The following FBXW8 variants were observed in gnomAD, a reference collection of about 807,000 sequenced individuals.
FBXW8 encodes the protein F-box/WD repeat-containing protein 8.
In FBXW8, 57 loss-of-function variants were observed where a neutral mutation model predicts 65.3. The ratio of observed to expected loss-of-function variants is 0.87; its 90% CI spans 0.71 to 1.09. The LOEUF (loss-of-function observed/expected upper bound fraction) is 1.09, where lower values mean the gene tolerates loss of function less well. Among genes scored for constraint, FBXW8 ranks in the 50% least tolerant of loss-of-function variants. The pLI is 0.00. For synonymous variants in FBXW8, 308 were observed against 330.2 expected, an observed-to-expected ratio of 0.93 and a Z score of 0.73; for missense variants, 777 against 814.8, an observed-to-expected ratio of 0.95 and a Z score of 0.57.
intron 7 of FBXW8, among the ~76,000 whole-genome samples, chr12:117,004,573 C>T (rs1321050365): frequency 6.6e-6 from 1 of 152,194 alleles, no homozygotes; most frequent in African/African-American, 2.4e-5. Flanking sequence ...TAAACTCAAA[C>T]CCAGAACTTG....
At chr12:116,965,963 G>A (rs913717915) in intron 5 of FBXW8, among the ~76,000 whole-genome samples, 6 of 144,968 alleles carry the variant, frequency 4.1e-5, no homozygotes, top group Admixed American at 7.1e-5. Flanking sequence ...GAGTTTTGCC[G>A]TGTTGTCCAG....
intron 9 of FBXW8, among the ~76,000 whole-genome samples, chr12:117,024,778 G>A (rs937161112): frequency 6.6e-6 from 1 of 152,110 alleles, no homozygotes; most frequent in African/African-American, 2.4e-5. Context: ...ACTCGAGTCC[G>A]TCATGTGTAA....
intron 8 of FBXW8, among the ~76,000 whole-genome samples, chr12:117,010,992 C>G (rs546460950): frequency 2.0e-5 from 3 of 152,300 alleles, no homozygotes; most frequent in Non-Finnish European, 4.4e-5. Context: ...TCGGATTTTC[C>G]CGGTATAGGG....
At chr12:116,934,899 T>C (rs376301881) in intron 2 of FBXW8, among the ~76,000 whole-genome samples, 1 of 152,214 alleles carries the variant, frequency 6.6e-6, no homozygotes, top group African/African-American at 2.4e-5. Flanking sequence ...GAGAATCTCT[T>C]GTGCTACTCT....
At chr12:116,972,535 G>A (rs1335566644) in intron 5 of FBXW8, among the ~76,000 whole-genome samples, 2 of 152,166 alleles carry the variant, frequency 1.3e-5, no homozygotes, top group East Asian at 3.9e-4. Flanking sequence ...GGGCCCAAGT[G>A]GAGTAGAAAG....
intron 7 of FBXW8, among the ~76,000 whole-genome samples, chr12:117,007,386 G>A (rs1307382795): frequency 6.6e-6 from 1 of 152,184 alleles, no homozygotes; most frequent in African/African-American, 2.4e-5. Flanking sequence ...TCTTCTCTGT[G>A]TCATGCATTT....
At chr12:117,006,876 G>A (rs1953689738) in intron 7 of FBXW8, among the ~76,000 whole-genome samples, 1 of 152,168 alleles carries the variant, frequency 6.6e-6, no homozygotes, top group South Asian at 2.1e-4. Context: ...CAATCCATAT[G>A]GAGTTGTGTA....
intron 7 of FBXW8, among the ~76,000 whole-genome samples, chr12:116,996,126 T>G (rs1166691478): frequency 6.6e-6 from 1 of 152,186 alleles, no homozygotes; most frequent in East Asian, 1.9e-4. Flanking sequence ...TTTGGACATA[T>G]TTCCTAATTT....
At chr12:116,987,658 A>T (rs543705891) in intron 6 of FBXW8, among the ~76,000 whole-genome samples, 3 of 152,272 alleles carry the variant, frequency 2.0e-5, no homozygotes, top group Admixed American at 1.3e-4. Context: ...TTTTTTGCGA[A>T]TTTGGAGCTG....
chr12:116,942,712 G>T (rs1882679874), intron 2 of FBXW8, among the ~76,000 whole-genome samples: 1 of 149,064 alleles, frequency 6.7e-6, no homozygotes, highest in Non-Finnish European at 1.5e-5. Context: ...ACTTGTTGTT[G>T]AGCGCCTTTA....
At chr12:116,973,113 TAAC>T (rs1236246888) in intron 5 of FBXW8, among the ~76,000 whole-genome samples, 1 of 152,130 alleles carries the variant, frequency 6.6e-6, no homozygotes, top group Non-Finnish European at 1.5e-5. Flanking sequence ...ATATTGATAA[TAAC>T]AGGTTACAAC....
rs11375815 is a variant in FBXW8 at position 116,955,036 on chromosome 12, TGG to T, written c.677+5341_677+5342del. The stretch of plus-strand genomic sequence containing the variant: ...TGCTGTTGACTTTCCCCTCTTGAAA[TGG>T]GGGGGGGGGGCCCTGTATTAAGCAT... On this transcript the variant is annotated intron_variant, in intron 4 of 10. Coordinates refer to ENST00000652555, the MANE Select transcript of FBXW8 (RefSeq NM_153348.3). 0.017 allele frequency among the ~76,000 whole-genome samples: 2,226 copies of T among 129,598 alleles called. 119 individuals carry two copies. The East Asian group carries it at 0.23, about 13-fold the overall frequency. 85.0% of individuals were successfully genotyped at this position (129,598 alleles called of 152,430 possible). A position where few individuals can be genotyped will look rare whatever the true frequency, so the allele number is the denominator to read the frequency against.
chr12:117,027,594 A>C, intron 10 of FBXW8, 90 bp downstream of exon 10: 2 of 981,294 alleles, frequency 2.0e-6, no homozygotes, highest in East Asian at 2.5e-5. Flanking sequence ...ATTGCACCCT[A>C]TGGGCTATAC....
intron 8 of FBXW8, among the ~76,000 whole-genome samples, chr12:117,017,993 T>C (rs1005864183): frequency 1.2e-4 from 18 of 152,132 alleles, no homozygotes; most frequent in Non-Finnish European, 2.6e-4. Context: ...GGGGCGTAAA[T>C]GTTGCATTTG....
At chr12:116,933,988 A>T (rs982680880) in intron 2 of FBXW8, among the ~76,000 whole-genome samples, 1 of 152,014 alleles carries the variant, frequency 6.6e-6, no homozygotes, top group Non-Finnish European at 1.5e-5. Context: ...TGGGCCAGTT[A>T]TGTGGAATTG....
intron 1 of FBXW8, among the ~76,000 whole-genome samples, chr12:116,916,788 C>T (rs145868955): frequency 8.5e-5 from 13 of 152,180 alleles, no homozygotes; most frequent in Non-Finnish European, 1.9e-4. Context: ...CACCATTTTG[C>T]AGGGTGGCAG....
chr12:116,953,435 G>A (rs1466307553), intron 4 of FBXW8, among the ~76,000 whole-genome samples: 3 of 152,158 alleles, frequency 2.0e-5, no homozygotes, highest in Non-Finnish European at 4.4e-5. Flanking sequence ...GGCTATTATA[G>A]CATCATTTTG....
At chr12:117,027,556 T>A in intron 10 of FBXW8, 52 bp downstream of exon 10, 1 of 1,389,762 alleles carries the variant, frequency 7.2e-7, no homozygotes, top group Non-Finnish European at 1.0e-6. Context: ...GACTGATGTA[T>A]AGAACCCCAC....
In FBXW8 at chr12:116,945,498, C is replaced by T; in HGVS notation, c.558C>T (p.Ala186=). The T allele has an allele frequency of 6.2e-7, 1 of 1,614,074 alleles. No homozygotes were observed. Among genetic ancestry groups the T allele is most frequent in the Non-Finnish European group, 8.5e-7 (1 of 1,179,992 alleles). Reference sequence around the variant, plus strand: ...AGCTCATCTTCCAAGAGTGCCGAGCCAAGGAACACATGTTACGAACCAACT... The same window carrying T: ...AGCTCATCTTCCAAGAGTGCCGAGCTAAGGAACACATGTTACGAACCAACT... ...CWKLIFQECR[A]KEHMLRTNWK... The change falls in exon 3 of 11, where the codon GCC becomes GCT. Residue 186 remains alanine, a synonymous_variant. Transcript: ENST00000652555.
Sources: gnomAD v4.1 joint callset for allele counts (sites outside exome capture counted in the v4.1 genomes callset) on GRCh38, gnomAD v4.1.1 for gene constraint, MANE v1.5 for transcripts, NCBI Gene and HGNC (gene_info 2026-07-23, HGNC 2026-07-21) for gene names.